The following ATR variants were observed in gnomAD, a reference collection of about 807,000 sequenced individuals.
ATR encodes the protein serine/threonine-protein kinase ATR.
Under a neutral mutation model 305.3 loss-of-function variants are expected in ATR, and 142 were observed. That is an observed-to-expected ratio of 0.47 (90% CI 0.41 to 0.53). ATR has a LOEUF of 0.53. Among genes scored for constraint, ATR ranks in the 20% least tolerant of loss-of-function variants. ATR has a pLI of 0.00. For missense variants in ATR, 2,135 were observed against 3,133.1 expected, an observed-to-expected ratio of 0.68 and a Z score of 7.60; for synonymous variants, 1,050 against 1,068.1, an observed-to-expected ratio of 0.98 and a Z score of 0.33.
rs183979487 is a variant in ATR at position 142,561,495 on chromosome 3, T to C, written c.1171-74A>G. On this transcript the variant is annotated intron_variant, in intron 4 of 46. Transcript: ENST00000350721. The stretch of plus-strand genomic sequence containing the variant: ...TTATATTATTCATAGGCAGCAAGAA[T>C]GTATTAGATGTTAGGTGTTTTCTAG... 2.2e-5 allele frequency: 31 copies of C among 1,440,720 alleles called. No individual in the cohort carries two copies. The East Asian group carries it at 7.4e-4, about 35-fold the overall frequency. The allele number at this position is 1,440,720 out of a possible 1,614,324, so 89.2% of individuals were successfully genotyped here.
At chr3:142,578,067 T>C (rs2035497682) in intron 1 of ATR, among the ~76,000 whole-genome samples, 2 of 152,202 alleles carry the variant, frequency 1.3e-5, no homozygotes, top group Non-Finnish European at 2.9e-5. Flanking sequence ...GATCGGGAAC[T>C]GGACGATCAA....
At chr3:142,507,664 C>T (rs2032326117) in intron 28 of ATR, among the ~76,000 whole-genome samples, 1 of 152,144 alleles carries the variant, frequency 6.6e-6, no homozygotes. Flanking sequence ...TTTTTTAAGA[C>T]ACCATCTCCA....
chr3:142,493,066 A>G, intron 35 of ATR, 66 bp downstream of exon 35: 2 of 1,557,488 alleles, frequency 1.3e-6, no homozygotes, highest in South Asian at 1.2e-5. Flanking sequence ...GTGCTTTGCC[A>G]TATAGACTTA....
At chr3:142,452,897 C>A (rs1333331505) in intron 46 of ATR, 2 of 1,367,912 alleles carry the variant, frequency 1.5e-6, no homozygotes, top group African/African-American at 2.9e-5. Flanking sequence ...TATGGTTAAA[C>A]AAGTGTGCCA....
At chr3:142,491,311 T>A (rs80246316) in intron 35 of ATR, among the ~76,000 whole-genome samples, 2,703 of 152,294 alleles carry the variant, frequency 0.018, 29 homozygotes, top group South Asian at 0.041. Flanking sequence ...TCTGTCTACA[T>A]CATGTATAGG....
At chr3:142,569,624 G>GC (rs1553773792) in intron 1 of ATR, among the ~76,000 whole-genome samples, 5 of 145,880 alleles carry the variant, frequency 3.4e-5, no homozygotes, top group Admixed American at 1.4e-4. Context: ...GCCCAACTGT[G>GC]TTTTTTTTTT....
Position 142,549,366 on chromosome 3 carries a change from A to T in ATR, c.3171+113T>A, listed in dbSNP as rs561065306. On this transcript the variant is annotated intron_variant, in intron 15 of 46. Transcript: ENST00000350721. ...TTAACATAACAACATTTAAACTTAC[A>T]TTCTTCTAGGATAGGCTATAATTTA... 79 of 687,698 alleles carry T rather than the reference A, an allele frequency of 1.1e-4. 1 individual carries two copies. The highest frequency in any genetic ancestry group is 4.2e-4 in the Middle Eastern group (1 of 2,374). The allele number at this position is 687,698 out of a possible 1,614,324, so 42.6% of individuals were successfully genotyped here.
chr3:142,483,023 T>C (rs2030639072), intron 36 of ATR, among the ~76,000 whole-genome samples: 3 of 149,578 alleles, frequency 2.0e-5, no homozygotes, highest in Non-Finnish European at 4.4e-5. Flanking sequence ...TTTTTTTTTT[T>C]GAGACAGGGT....
chr3:142,512,567 A>T, intron 26 of ATR, 97 bp from the exon 27 acceptor site: 1 of 1,093,546 alleles, frequency 9.1e-7, no homozygotes, highest in East Asian at 2.8e-5. Context: ...AAAAATTTTC[A>T]AAAGAAAAAA....
intron 2 of ATR, 88 bp downstream of exon 2, chr3:142,567,975 C>T: frequency 9.1e-7 from 1 of 1,096,040 alleles, no homozygotes; most frequent in South Asian, 1.6e-5. Context: ...ATATCTAAAA[C>T]TACATGGAGA....
At position 142,555,917 on chromosome 3, in the gene ATR, A is replaced by G. The variant is rs150060445; in HGVS notation, c.2301T>C (p.Leu767=). ...TAGGTATTTTTTTTTTCAGTAGGAA[A>G]AGGAATGGCTTGCAGACAGAAGCTT... The part of the protein sequence containing the change: ...QLKASVCKPF[L]FLLKKKIPSP... Residue 767 remains leucine, a synonymous_variant, in exon 10 of 47, where the codon CTT becomes CTC. Transcript: ENST00000350721. 1 of 1,610,710 alleles carries G rather than the reference A, an allele frequency of 6.2e-7. No homozygotes were observed. Among genetic ancestry groups the G allele is most frequent in the Non-Finnish European group, 8.5e-7 (1 of 1,179,192 alleles).
rs1188224592 is a variant in ATR, at chr3:142,464,953, ATC to A, written c.7041+142_7041+143del. The A allele has an allele frequency of 1.7e-5, 7 of 414,876 alleles. 1 individual carries two copies. The highest frequency in any genetic ancestry group is 2.8e-5 in the Non-Finnish European group (7 of 251,374). 25.7% of individuals were successfully genotyped at this position (414,876 alleles called of 1,614,324 possible). Reference sequence around the variant, plus strand: ...ATTTCATTCCTGCTTTTTAAGAGTGATCTGTTTGTATACTAAAATGCCTATAT... The same window carrying A: ...ATTTCATTCCTGCTTTTTAAGAGTGATGTTTGTATACTAAAATGCCTATAT... On this transcript the variant is annotated intron_variant, in intron 41 of 46. Transcript: ENST00000350721.
At chr3:142,468,366 TTAAC>T (rs1202366744) in intron 38 of ATR, among the ~76,000 whole-genome samples, 1 of 152,058 alleles carries the variant, frequency 6.6e-6, no homozygotes, top group Non-Finnish European at 1.5e-5. Flanking sequence ...ACCTTAATGA[TTAAC>T]TAAACAGTTA....
chr3:142,514,253 A>G lies in ATR; in HGVS notation c.4504-615T>C, dbSNP rs377451744. ...GCACTCCAGCCTGAGTGACAGAGCG[A>G]GATTCCGTCTCAAAAAAAAAGAAAA... On this transcript the variant is annotated intron_variant, in intron 25 of 46. Transcript: ENST00000350721. Among the ~76,000 whole-genome samples the G allele has an allele frequency of 5.3e-5, 8 of 151,800 alleles. No individual in the cohort carries two copies. The East Asian group carries it at 7.8e-4, about 15-fold the overall frequency.
At chr3:142,500,845 A>G (rs1577579952) in intron 30 of ATR, among the ~76,000 whole-genome samples, 1 of 152,210 alleles carries the variant, frequency 6.6e-6, no homozygotes, top group African/African-American at 2.4e-5. Flanking sequence ...TAAAAATTTC[A>G]GGATAAAAAT....
chr3:142,560,190 G>A, intron 6 of ATR, 73 bp downstream of exon 6: 1 of 1,437,936 alleles, frequency 7.0e-7, no homozygotes, highest in Non-Finnish European at 9.8e-7. Context: ...TGAGTCAAGT[G>A]AATAATGAGT....
chr3:142,459,713 A>T (rs2070983728), intron 42 of ATR, among the ~76,000 whole-genome samples: 1 of 152,144 alleles, frequency 6.6e-6, no homozygotes, highest in South Asian at 2.1e-4. Context: ...GACTTTTCAT[A>T]CATGCAGGTT....
intron 21 of ATR, among the ~76,000 whole-genome samples, chr3:142,527,089 T>C (rs920908778): frequency 1.3e-5 from 2 of 152,178 alleles, no homozygotes; most frequent in Non-Finnish European, 2.9e-5. Flanking sequence ...ACACCCAGCA[T>C]GGGGTGTTTT....
chr3:142,561,144 T>C, intron 5 of ATR, 99 bp downstream of exon 5: 2 of 1,311,444 alleles, frequency 1.5e-6, no homozygotes, highest in Non-Finnish European at 2.2e-6. Flanking sequence ...AAGATGTTCT[T>C]TGTGTATTTA....
Sources: allele counts gnomAD v4.1 joint callset (sites outside exome capture counted in the v4.1 genomes callset), GRCh38; gene constraint gnomAD v4.1.1; transcripts MANE v1.5; gene names NCBI Gene and HGNC (gene_info 2026-07-23, HGNC 2026-07-21).